The following MARCHF11 variants were observed in gnomAD, a reference collection of about 807,000 sequenced individuals.
The protein encoded by MARCHF11 is membrane associated ring-CH-type finger 11, also known as E3 ubiquitin-protein ligase MARCHF11.
MARCHF11 carries 29 observed loss-of-function variants against 37.3 expected under a neutral mutation model. That is an observed-to-expected ratio of 0.78 (90% CI 0.58 to 1.06). MARCHF11 has a LOEUF of 1.06. Ranked by LOEUF, MARCHF11 falls within the 50% of genes least tolerant of loss-of-function variation. MARCHF11 has a pLI of 0.00. For synonymous variants in MARCHF11, 233 were observed against 228.0 expected, an observed-to-expected ratio of 1.02 and a Z score of -0.20; for missense variants, 482 against 533.4, an observed-to-expected ratio of 0.90 and a Z score of 0.95.
chr5:16,077,049 G>T (rs1736533597), intron 3 of MARCHF11, among the ~76,000 whole-genome samples: 1 of 152,136 alleles, frequency 6.6e-6, no homozygotes, highest in Non-Finnish European at 1.5e-5. Context: ...GAGGATTACG[G>T]CAACCTTCAC....
At chr5:16,134,102 G>T (rs893520202) in intron 2 of MARCHF11, among the ~76,000 whole-genome samples, 2 of 152,092 alleles carry the variant, frequency 1.3e-5, no homozygotes, top group African/African-American at 4.8e-5. Flanking sequence ...ATATTAAGTC[G>T]AAACAAATTT....
At chr5:16,123,624 G>A (rs1256367660) in intron 2 of MARCHF11, among the ~76,000 whole-genome samples, 1 of 152,118 alleles carries the variant, frequency 6.6e-6, no homozygotes, top group Non-Finnish European at 1.5e-5. Context: ...GTTGCATGGT[G>A]ATGTTGCAGT....
intron 2 of MARCHF11, among the ~76,000 whole-genome samples, chr5:16,107,913 C>G (rs985746717): frequency 2.0e-5 from 3 of 152,064 alleles, no homozygotes; most frequent in Admixed American, 6.5e-5. Flanking sequence ...ACTCCATCCC[C>G]CTTCCAGCTC....
intron 3 of MARCHF11, among the ~76,000 whole-genome samples, chr5:16,078,127 A>T (rs1736549597): frequency 6.6e-6 from 1 of 152,236 alleles, no homozygotes; most frequent in Admixed American, 6.5e-5. Flanking sequence ...TTTTTACCAA[A>T]CAATAAATGG....
intron 2 of MARCHF11, among the ~76,000 whole-genome samples, chr5:16,174,819 G>T (rs958439937): frequency 3.3e-5 from 5 of 152,138 alleles, no homozygotes; most frequent in African/African-American, 4.8e-5. Context: ...ACTCCTATGG[G>T]GGATAAAGAT....
At chr5:16,089,925 G>A (rs1736763734) in intron 3 of MARCHF11, among the ~76,000 whole-genome samples, 2 of 152,228 alleles carry the variant, frequency 1.3e-5, no homozygotes, top group East Asian at 1.9e-4. Context: ...CAGAGGCCCA[G>A]ATTGGAAACC....
At chr5:16,108,888 G>A (rs1051663666) in intron 2 of MARCHF11, among the ~76,000 whole-genome samples, 12 of 152,090 alleles carry the variant, frequency 7.9e-5, no homozygotes, top group Non-Finnish European at 5.9e-5. Context: ...GTGCATGCAT[G>A]CATGACTCTG....
chr5:16,104,409 T>C (rs1277635295), intron 2 of MARCHF11, among the ~76,000 whole-genome samples: 2 of 152,152 alleles, frequency 1.3e-5, no homozygotes, highest in Admixed American at 6.5e-5. Flanking sequence ...GTTGAACAAG[T>C]CTATAAATTT....
intron 2 of MARCHF11, among the ~76,000 whole-genome samples, chr5:16,123,878 CT>C (rs1737355671): frequency 6.6e-6 from 1 of 152,016 alleles, no homozygotes; most frequent in Admixed American, 6.5e-5. Context: ...AGAGACCCAC[CT>C]TTTACAATTC....
intron 2 of MARCHF11, among the ~76,000 whole-genome samples, chr5:16,163,247 C>G (rs578257334): frequency 3.3e-5 from 5 of 152,030 alleles, no homozygotes; most frequent in African/African-American, 1.2e-4. Flanking sequence ...TTGCTCACAA[C>G]AGGTCTCAGG....
chr5:16,078,354 C>T (rs1183550162), intron 3 of MARCHF11, among the ~76,000 whole-genome samples: 1 of 152,078 alleles, frequency 6.6e-6, no homozygotes, highest in Non-Finnish European at 1.5e-5. Flanking sequence ...TAGAATGTTG[C>T]CCAGATCACA....
At chr5:16,068,286 G>A (rs568027059) in intron 3 of MARCHF11, among the ~76,000 whole-genome samples, 1 of 152,244 alleles carries the variant, frequency 6.6e-6, no homozygotes, top group East Asian at 1.9e-4. Context: ...TAAAAACCAT[G>A]TAAATTTTGT....
At chr5:16,156,108 T>A (rs1737974387) in intron 2 of MARCHF11, among the ~76,000 whole-genome samples, 1 of 151,948 alleles carries the variant, frequency 6.6e-6, no homozygotes, top group African/African-American at 2.4e-5. Context: ...TATCTATAAG[T>A]CTGTAAAGAA....
At chr5:16,131,801 T>C (rs972979605) in intron 2 of MARCHF11, among the ~76,000 whole-genome samples, 4 of 152,214 alleles carry the variant, frequency 2.6e-5, no homozygotes, top group African/African-American at 4.8e-5. Context: ...AACTGGACCA[T>C]ATGTCCTTTT....
At chr5:16,093,926 A>T (rs1350828895) in intron 2 of MARCHF11, among the ~76,000 whole-genome samples, 2 of 152,074 alleles carry the variant, frequency 1.3e-5, no homozygotes, top group South Asian at 2.1e-4. Context: ...GCTCCCTGAA[A>T]TTTTTTTTGG....
At chr5:16,163,138 T>C (rs1419352964) in intron 2 of MARCHF11, among the ~76,000 whole-genome samples, 1 of 151,988 alleles carries the variant, frequency 6.6e-6, no homozygotes, top group Admixed American at 6.6e-5. Context: ...CATAACTTCA[T>C]AATCAAGACG....
At chr5:16,110,731 T>C (rs1054251241) in intron 2 of MARCHF11, among the ~76,000 whole-genome samples, 12 of 152,190 alleles carry the variant, frequency 7.9e-5, no homozygotes, top group African/African-American at 2.9e-4. Flanking sequence ...TTTATATTTC[T>C]AATATCCAGC....
At chr5:16,097,148 C>T (rs567653005) in intron 2 of MARCHF11, among the ~76,000 whole-genome samples, 1 of 152,296 alleles carries the variant, frequency 6.6e-6, no homozygotes, top group Non-Finnish European at 1.5e-5. Flanking sequence ...CTAAAACTTA[C>T]ATTCAGTCAT....
intron 2 of MARCHF11, among the ~76,000 whole-genome samples, chr5:16,157,925 A>G (rs1462034025): frequency 6.6e-6 from 1 of 151,984 alleles, no homozygotes; most frequent in Admixed American, 6.6e-5. Flanking sequence ...ATATTTCCAA[A>G]CCATCTATCT....
Sources: gnomAD v4.1 joint callset for allele counts (sites outside exome capture counted in the v4.1 genomes callset) on GRCh38, gnomAD v4.1.1 for gene constraint, MANE v1.5 for transcripts, NCBI Gene and HGNC (gene_info 2026-07-23, HGNC 2026-07-21) for gene names.